DNAAF4: variants seen among roughly 807,000 people sequenced by gnomAD.
DNAAF4 encodes the protein dynein axonemal assembly factor 4.
DNAAF4 carries 43 observed loss-of-function variants against 51.8 expected under a neutral mutation model. That is an observed-to-expected ratio of 0.83 (90% confidence interval 0.65 to 1.07). The LOEUF is 1.07. Among genes scored for constraint, DNAAF4 ranks in the 50% least tolerant of loss-of-function variants. The pLI is 0.00. For synonymous variants in DNAAF4, 194 were observed against 165.6 expected (o/e 1.17, Z -1.32); for missense variants, 581 against 493.0 (o/e 1.18, Z -1.69).
Position 55,491,179 on chromosome 15 carries a change from C to T in DNAAF4, c.349G>A (p.Ala117Thr). The change falls in exon 4 of 10, where the codon GCA (alanine) becomes ACA (threonine). Residue 117 changes from alanine (A) to threonine (T), a missense_variant. Transcript: ENST00000321149. ...TCTTCCCGCTTTGCTGCAGCTTTTG[C>T]TTCTGTAGCTTCTTTTGCTCTCTCT... is the stretch of plus-strand genomic sequence containing the variant. ...AQERAKEATE[A>T]KAAAKREDQK... 1.2e-6 allele frequency: 2 copies of T among 1,613,994 alleles called. No homozygotes were observed. The highest frequency in any genetic ancestry group is 1.1e-5 in the South Asian group (1 of 91,080).
At chr15:55,418,896 G>T in intron 7 of DNAAF4, 1 of 171,420 alleles carries the variant, frequency 5.8e-6, no homozygotes. Flanking sequence ...ATTGATTTAA[G>T]GAAGCTTCTG....
At chr15:55,427,154 C>A (rs2057437980), downstream of DNAAF4, among the ~76,000 whole-genome samples, 1 of 152,106 alleles carries the variant, frequency 6.6e-6, no homozygotes, top group Admixed American at 6.5e-5. Flanking sequence ...GCAACCTCCG[C>A]CTCCTGGGTT....
chr15:55,503,499 A>G (rs1336283721), intron 1 of DNAAF4, among the ~76,000 whole-genome samples: 1 of 152,118 alleles, frequency 6.6e-6, no homozygotes, highest in East Asian at 1.9e-4. Flanking sequence ...CAATATCCCT[A>G]AGGAACATCG....
At chr15:55,475,467 GC>G (rs2058323691) in intron 4 of DNAAF4, among the ~76,000 whole-genome samples, 2 of 152,146 alleles carry the variant, frequency 1.3e-5, no homozygotes, top group African/African-American at 4.8e-5. Flanking sequence ...AGGATGATGA[GC>G]CTGGCAATTT....
At chr15:55,464,936 C>G (rs915506643) in intron 5 of DNAAF4, among the ~76,000 whole-genome samples, 1 of 152,158 alleles carries the variant, frequency 6.6e-6, no homozygotes, top group Non-Finnish European at 1.5e-5. Flanking sequence ...GCCTGGGCAA[C>G]AAGAGCGAAA....
At chr15:55,475,896 T>C (rs2447713) in intron 4 of DNAAF4, among the ~76,000 whole-genome samples, 149,637 of 152,264 alleles carry the variant, frequency 0.98, 73,576 homozygotes, top group East Asian at 1. Flanking sequence ...GGATAAGTGC[T>C]TAAGCAGTCA....
intron 7 of DNAAF4, among the ~76,000 whole-genome samples, chr15:55,420,773 T>A (rs1235905833): frequency 6.6e-6 from 1 of 152,200 alleles, no homozygotes; most frequent in Non-Finnish European, 1.5e-5. Flanking sequence ...TTTTCCCCCT[T>A]CACTGCAGGT....
chr15:55,436,884 G>A (rs754938490), intron 7 of DNAAF4, among the ~76,000 whole-genome samples: 5 of 151,112 alleles, frequency 3.3e-5, no homozygotes, highest in South Asian at 2.1e-4. Flanking sequence ...GCAGTGGCAC[G>A]ATCTCGATTC....
At chr15:55,419,277 T>C (rs976347050) in intron 7 of DNAAF4, among the ~76,000 whole-genome samples, 2 of 152,084 alleles carry the variant, frequency 1.3e-5, no homozygotes, top group Non-Finnish European at 2.9e-5. Flanking sequence ...CAAGCTGGAA[T>C]GCAGTGGCAT....
intron 5 of DNAAF4, among the ~76,000 whole-genome samples, chr15:55,463,780 A>G: frequency 6.6e-6 from 1 of 152,180 alleles, no homozygotes; most frequent in Non-Finnish European, 1.5e-5. Flanking sequence ...AAGGAAAACT[A>G]CAAAACACTG....
rs55936805 is a variant in DNAAF4 at position 55,485,994 on chromosome 15, C to CAAA, written c.405+5126_405+5128dup. Among the ~76,000 whole-genome samples, 82 of 77,602 alleles carry CAAA rather than the reference C, an allele frequency of 1.1e-3. 1 individual carries two copies. The highest frequency in any genetic ancestry group is 0.017 in the Middle Eastern group (2 of 118). 50.9% of individuals were successfully genotyped at this position (77,602 alleles called of 152,430 possible). ...TGGACAACAGAGCGAGACTCCATCT[C>CAAA]AAAAAAAAAAAAAAAAAAAAGGAGG... is the stretch of plus-strand genomic sequence containing the variant. On this transcript the variant is annotated intron_variant, in intron 4 of 9. Transcript: ENST00000321149.
intron 1 of DNAAF4, among the ~76,000 whole-genome samples, chr15:55,501,569 G>T (rs1236591130): frequency 6.7e-6 from 1 of 148,754 alleles, no homozygotes; most frequent in East Asian, 2.0e-4. Flanking sequence ...TAGAGACGGG[G>T]TTTCACCGTG....
intron 7 of DNAAF4, among the ~76,000 whole-genome samples, chr15:55,437,296 GAA>G (rs1227228601): frequency 4.6e-5 from 7 of 152,188 alleles, no homozygotes; most frequent in South Asian, 2.1e-4. Flanking sequence ...AGGAAGAAGA[GAA>G]AGAGGAGGAA....
At chr15:55,437,479 A>T (rs776548077) in intron 7 of DNAAF4, among the ~76,000 whole-genome samples, 3 of 152,124 alleles carry the variant, frequency 2.0e-5, no homozygotes, top group Non-Finnish European at 4.4e-5. Flanking sequence ...AAAAATATAG[A>T]TATTGTGGTA....
chr15:55,484,513 CCATTACCAT>C (rs2058459879), intron 4 of DNAAF4, among the ~76,000 whole-genome samples: 1 of 150,642 alleles, frequency 6.6e-6, no homozygotes, highest in East Asian at 1.9e-4. Context: ...AACAGAATTA[CCATTACCAT>C]ATGATCTGCT....
At chr15:55,492,028 T>A (rs1475786571) in intron 3 of DNAAF4, among the ~76,000 whole-genome samples, 1 of 151,054 alleles carries the variant, frequency 6.6e-6, no homozygotes, top group Admixed American at 6.6e-5. Flanking sequence ...GGCTAATTTT[T>A]AAATTTTATG....
intron 7 of DNAAF4, among the ~76,000 whole-genome samples, chr15:55,438,335 G>C (rs1392378906): frequency 3.1e-5 from 4 of 128,054 alleles, no homozygotes; most frequent in Admixed American, 8.9e-5. Flanking sequence ...TGGGGACCAA[G>C]AGCGAGACTT....
chr15:55,453,682 C>A (rs1033573170), intron 5 of DNAAF4, among the ~76,000 whole-genome samples: 4 of 150,958 alleles, frequency 2.6e-5, no homozygotes, highest in Non-Finnish European at 5.9e-5. Context: ...TCCTGAGTAG[C>A]TGGGACTACA....
intron 5 of DNAAF4, among the ~76,000 whole-genome samples, chr15:55,457,599 A>G (rs2058038868): frequency 6.6e-6 from 1 of 152,152 alleles, no homozygotes; most frequent in African/African-American, 2.4e-5. Context: ...CTGGAGCCCA[A>G]CGAACTCAAG....
Sources: allele counts gnomAD v4.1 joint callset (sites outside exome capture counted in the v4.1 genomes callset), GRCh38; gene constraint gnomAD v4.1.1; transcripts MANE v1.5; gene names NCBI Gene and HGNC (gene_info 2026-07-23, HGNC 2026-07-21).